SLC24A2: variants seen among roughly 807,000 people sequenced by gnomAD.
SLC24A2 encodes the protein sodium/potassium/calcium exchanger 2.
A neutral mutation model predicts 62.0 loss-of-function variants in SLC24A2; 36 were observed. The ratio of observed to expected loss-of-function variants is 0.58; its 90% CI spans 0.44 to 0.77. The LOEUF (loss-of-function observed/expected upper bound fraction) is 0.77. SLC24A2 is among the 30% of genes least tolerant of loss of function. SLC24A2 has a pLI of 0.00. For synonymous variants in SLC24A2, 358 were observed against 294.0 expected, an observed-to-expected ratio of 1.22 and a Z score of -2.23; for missense variants, 846 against 817.9, an observed-to-expected ratio of 1.03 and a Z score of -0.42.
At chr9:20,139,581 A>C in the SLC24A2 span, among the ~76,000 whole-genome samples, 1 of 152,220 alleles carries the variant, frequency 6.6e-6, no homozygotes, top group African/African-American at 2.4e-5. Context: ...CCTGTCATCT[A>C]TTCATTTATT....
chr9:19,784,850 T>C (rs1823115549), intron 2 of SLC24A2, among the ~76,000 whole-genome samples: 1 of 152,234 alleles, frequency 6.6e-6, no homozygotes, highest in Non-Finnish European at 1.5e-5. Context: ...TTCCATTTCA[T>C]GGCTGCAATG....
chr9:19,805,827 C>CTGAG, the SLC24A2 span, among the ~76,000 whole-genome samples: 70 of 138,186 alleles, frequency 5.1e-4, no homozygotes, highest in African/African-American at 1.8e-3. Flanking sequence ...TTTCATGGGT[C>CTGAG]TGAGTTTTAA....
the SLC24A2 span, among the ~76,000 whole-genome samples, chr9:20,011,798 A>G: frequency 6.6e-6 from 1 of 152,216 alleles, no homozygotes; most frequent in South Asian, 2.1e-4. Context: ...AGAATATCAA[A>G]AACAGCAAGA....
intron 2 of SLC24A2, among the ~76,000 whole-genome samples, chr9:19,730,389 C>T (rs114191996): frequency 0.014 from 2,069 of 151,962 alleles, 49 homozygotes; most frequent in African/African-American, 0.047. Context: ...AATTATTTAA[C>T]GTATATATTT....
At chr9:19,851,019 ATATACATATT>A in the SLC24A2 span, among the ~76,000 whole-genome samples, 1 of 61,618 alleles carries the variant, frequency 1.6e-5, no homozygotes, top group Admixed American at 2.1e-4. Flanking sequence ...ATATATATAT[ATATACATATT>A]TTTTTTTTTT....
the SLC24A2 span, among the ~76,000 whole-genome samples, chr9:19,964,179 T>C: frequency 3.3e-5 from 4 of 122,400 alleles, no homozygotes; most frequent in Admixed American, 1.1e-4. Flanking sequence ...TGAGACCACA[T>C]GGACACAGGA....
chr9:20,111,630 C>T, the SLC24A2 span, among the ~76,000 whole-genome samples: 1 of 152,016 alleles, frequency 6.6e-6, no homozygotes, highest in Non-Finnish European at 1.5e-5. Context: ...ACTCCTGGGC[C>T]CCTCCTAGAC....
chr9:19,834,589 C>T, the SLC24A2 span, among the ~76,000 whole-genome samples: 1 of 152,180 alleles, frequency 6.6e-6, no homozygotes, highest in African/African-American at 2.4e-5. Context: ...AAGACCAAAT[C>T]TATGTCTGAT....
intron 2 of SLC24A2, among the ~76,000 whole-genome samples, chr9:19,644,139 A>T (rs1264803444): frequency 6.6e-6 from 1 of 152,210 alleles, no homozygotes; most frequent in Non-Finnish European, 1.5e-5. Flanking sequence ...AAAGATTTAC[A>T]TGTTGAGAAT....
chr9:20,228,777 G>A, the SLC24A2 span, among the ~76,000 whole-genome samples: 1 of 152,136 alleles, frequency 6.6e-6, no homozygotes, highest in Admixed American at 6.6e-5. Flanking sequence ...CAAAGTATGT[G>A]GAAAAGGAAG....
the SLC24A2 span, among the ~76,000 whole-genome samples, chr9:20,117,218 T>C: frequency 1.3e-5 from 2 of 152,160 alleles, no homozygotes; most frequent in Non-Finnish European, 2.9e-5. Flanking sequence ...GGAAGGTATA[T>C]GACTTCTCGA....
the SLC24A2 span, among the ~76,000 whole-genome samples, chr9:20,163,383 TG>T: frequency 7.2e-5 from 11 of 152,172 alleles, no homozygotes; most frequent in African/African-American, 2.6e-4. Flanking sequence ...CATTCACAAT[TG>T]CTTCAAAGAG....
Position 19,510,362 on chromosome 9 carries a change from A to T in SLC24A2, c.*5791T>A, listed in dbSNP as rs1203065601. ...AAGATAATTTTAATTGAAAATAGGTAAAGAGTCACATAGCGGTAACTTCCA... is the reference window on the plus strand; with the variant it reads ...AAGATAATTTTAATTGAAAATAGGTTAAGAGTCACATAGCGGTAACTTCCA... On this transcript the variant is annotated 3_prime_UTR_variant, in exon 11 of 11. Coordinates refer to ENST00000341998, the MANE Select transcript of SLC24A2 (RefSeq NM_020344.4). The T allele has an allele frequency of 6.6e-6, 1 of 151,472 alleles. No individual in the cohort carries two copies. Among genetic ancestry groups the T allele is most frequent in the Non-Finnish European group, 1.5e-5 (1 of 67,948 alleles). 9.4% of individuals were successfully genotyped at this position (151,472 alleles called of 1,614,324 possible). A position where few individuals can be genotyped will look rare whatever the true frequency, so the allele number is the denominator to read the frequency against.
At chr9:19,606,777 G>A (rs1047077376) in intron 4 of SLC24A2, among the ~76,000 whole-genome samples, 27 of 152,312 alleles carry the variant, frequency 1.8e-4, no homozygotes, top group African/African-American at 3.6e-4. Context: ...CTTTGAGCCC[G>A]GGGACAACCT....
At chr9:20,021,656 C>A in the SLC24A2 span, among the ~76,000 whole-genome samples, 1 of 152,052 alleles carries the variant, frequency 6.6e-6, no homozygotes, top group African/African-American at 2.4e-5. Context: ...GACAATTCTG[C>A]CCATTTGCCT....
the SLC24A2 span, among the ~76,000 whole-genome samples, chr9:19,840,277 C>T: frequency 3.3e-5 from 5 of 152,122 alleles, no homozygotes; most frequent in African/African-American, 1.2e-4. Flanking sequence ...CAACAATTTA[C>T]GATCCTTATA....
the SLC24A2 span, among the ~76,000 whole-genome samples, chr9:20,234,998 C>A: frequency 6.6e-6 from 1 of 152,354 alleles, no homozygotes; most frequent in East Asian, 1.9e-4. Context: ...CCACTCCAGA[C>A]CCTGTTCACC....
chr9:19,691,256 G>A (rs1820038709), intron 2 of SLC24A2, among the ~76,000 whole-genome samples: 1 of 152,122 alleles, frequency 6.6e-6, no homozygotes, highest in Admixed American at 6.5e-5. Context: ...ATAGACAAAG[G>A]CCTCCAAGGA....
At chr9:20,230,373 C>G in the SLC24A2 span, among the ~76,000 whole-genome samples, 1 of 151,830 alleles carries the variant, frequency 6.6e-6, no homozygotes, top group Non-Finnish European at 1.5e-5. Context: ...GTTCCTATTT[C>G]TCCACATCCT....
Sources: gnomAD v4.1 joint callset for allele counts (sites outside exome capture counted in the v4.1 genomes callset) on GRCh38, gnomAD v4.1.1 for gene constraint, MANE v1.5 for transcripts, NCBI Gene and HGNC (gene_info 2026-07-23, HGNC 2026-07-21) for gene names.